Variants in LRP1B observed in about 807,000 individuals in gnomAD.
LRP1B encodes low-density lipoprotein receptor-related protein 1B.
LRP1B carries 217 observed loss-of-function variants against 556.6 expected under a neutral mutation model. The ratio of observed to expected loss-of-function variants is 0.39; its 90% CI spans 0.35 to 0.44. The LOEUF (loss-of-function observed/expected upper bound fraction) is 0.44. Among genes scored for constraint, LRP1B ranks in the 20% least tolerant of loss-of-function variants. The pLI is 1.00. For missense variants in LRP1B, 5,053 were observed against 5,620.8 expected (o/e 0.90, Z 3.23); for synonymous variants, 2,047 against 1,865.8 (o/e 1.10, Z -2.50).
At chr2:140,994,389 ATGTG>A (rs3061707) in intron 15 of LRP1B, among the ~76,000 whole-genome samples, 27 of 147,176 alleles carry the variant, frequency 1.8e-4, no homozygotes, top group African/African-American at 4.5e-4. Flanking sequence ...GTAGGTAAGG[ATGTG>A]TGTGTGTGTG....
chr2:141,766,362 C>A (rs1029466726), intron 2 of LRP1B, among the ~76,000 whole-genome samples: 1 of 152,160 alleles, frequency 6.6e-6, no homozygotes, highest in Non-Finnish European at 1.5e-5. Flanking sequence ...GGTCACACAA[C>A]AAGCTGCTCT....
At chr2:140,542,520 A>T (rs985432346) in intron 43 of LRP1B, among the ~76,000 whole-genome samples, 4 of 152,122 alleles carry the variant, frequency 2.6e-5, no homozygotes, top group African/African-American at 9.7e-5. Flanking sequence ...GACTAGATTG[A>T]TCTTTTCATC....
intron 7 of LRP1B, among the ~76,000 whole-genome samples, chr2:141,094,730 G>C (rs1363874221): frequency 6.6e-6 from 1 of 152,014 alleles, no homozygotes; most frequent in Admixed American, 6.6e-5. Flanking sequence ...ATTACAATAG[G>C]GTCAGCCTCT....
chr2:140,442,767 T>A lies in LRP1B; in HGVS notation c.10295-144A>T, dbSNP rs563224647. ...ATAGGACTCTGAAGGTGAGGAATTT[T>A]AACTTTTAATTCCTTTTGAGATACT... On this transcript the variant is annotated intron_variant, in intron 65 of 90. Coordinates refer to ENST00000389484, the MANE Select transcript of LRP1B (RefSeq NM_018557.3). 4 of 716,026 alleles carry A rather than the reference T, an allele frequency of 5.6e-6. No homozygotes were observed. The South Asian group carries it at 7.8e-5, about 14-fold the overall frequency. 44.4% of individuals were successfully genotyped at this position (716,026 alleles called of 1,614,324 possible).
intron 83 of LRP1B, among the ~76,000 whole-genome samples, chr2:140,301,887 ATGTGTG>A (rs964927857): frequency 3.4e-4 from 51 of 151,878 alleles, no homozygotes; most frequent in African/African-American, 1.2e-3. Context: ...ATGTATGTGT[ATGTGTG>A]TGTATATATA....
intron 6 of LRP1B, among the ~76,000 whole-genome samples, chr2:141,209,120 A>G (rs746593058): frequency 2.0e-5 from 3 of 152,122 alleles, no homozygotes; most frequent in Non-Finnish European, 4.4e-5. Context: ...TCAGTACTCA[A>G]ATAAAATAAG....
At chr2:140,301,598 TA>T (rs1683825245) in intron 83 of LRP1B, among the ~76,000 whole-genome samples, 1 of 152,002 alleles carries the variant, frequency 6.6e-6, no homozygotes, top group Non-Finnish European at 1.5e-5. Context: ...TTTTTTAATA[TA>T]AAAAATTATG....
Position 140,635,952 on chromosome 2 carries a change from C to T in LRP1B, c.6800-34313G>A, listed in dbSNP as rs576673255. Among the ~76,000 whole-genome samples, 16 of 152,048 alleles carry T rather than the reference C, an allele frequency of 1.1e-4. 1 individual carries two copies. Among genetic ancestry groups the T allele is most frequent in the Admixed American group, 8.5e-4 (13 of 15,258 alleles). On this transcript the variant is annotated intron_variant, in intron 41 of 90. Coordinates refer to ENST00000389484, the MANE Select transcript of LRP1B (RefSeq NM_018557.3). Reference sequence around the variant, plus strand: ...ATTTTAAGTTATTCTTAGTAATCTACGCTATCTTTCCAGCCTAGCCATTTC... The same window carrying T: ...ATTTTAAGTTATTCTTAGTAATCTATGCTATCTTTCCAGCCTAGCCATTTC...
chr2:140,323,255 T>C (rs1409337203), intron 81 of LRP1B, among the ~76,000 whole-genome samples: 2 of 152,058 alleles, frequency 1.3e-5, no homozygotes, highest in South Asian at 2.1e-4. Context: ...GTTAGAAATA[T>C]ATTTTCAAGA....
At chr2:140,542,944 C>T (rs1337303776) in intron 43 of LRP1B, among the ~76,000 whole-genome samples, 10 of 152,100 alleles carry the variant, frequency 6.6e-5, no homozygotes, top group East Asian at 1.9e-4. Context: ...CAAGTTCACA[C>T]GGGTCCAGAA....
At chr2:140,258,778 G>T (rs1003700210) in intron 86 of LRP1B, among the ~76,000 whole-genome samples, 3 of 152,116 alleles carry the variant, frequency 2.0e-5, no homozygotes, top group Admixed American at 6.6e-5. Context: ...ACAAAACAAT[G>T]TGGAGTCCTG....
At chr2:140,961,907 A>G (rs889004027) in intron 18 of LRP1B, among the ~76,000 whole-genome samples, 2 of 152,184 alleles carry the variant, frequency 1.3e-5, no homozygotes, top group African/African-American at 4.8e-5. Context: ...AATAACCAGG[A>G]AACTTGGCTA....
At chr2:141,256,293 A>G (rs1573719133) in intron 3 of LRP1B, among the ~76,000 whole-genome samples, 1 of 151,998 alleles carries the variant, frequency 6.6e-6, no homozygotes, top group African/African-American at 2.4e-5. Context: ...GAAAGTAAAT[A>G]GAAAGACCTG....
At chr2:140,839,919 G>A (rs1490936749) in intron 31 of LRP1B, 72 bp downstream of exon 31, 14 of 887,428 alleles carry the variant, frequency 1.6e-5, no homozygotes, top group Non-Finnish European at 2.1e-5. Context: ...TCAGGATCTA[G>A]ATCAAAGGTA....
At chr2:141,261,680 G>A (rs1025837514) in intron 3 of LRP1B, among the ~76,000 whole-genome samples, 8 of 151,998 alleles carry the variant, frequency 5.3e-5, no homozygotes, top group Non-Finnish European at 1.0e-4. Context: ...ATTATTGTTA[G>A]TATTAGGTAG....
chr2:141,545,521 T>G (rs1685519763), intron 2 of LRP1B, among the ~76,000 whole-genome samples: 1 of 152,226 alleles, frequency 6.6e-6, no homozygotes, highest in African/African-American at 2.4e-5. Context: ...ATTATCCACG[T>G]GGGCCCAGTT....
chr2:140,859,658 A>G (rs570445259), intron 27 of LRP1B, among the ~76,000 whole-genome samples: 9 of 152,280 alleles, frequency 5.9e-5, no homozygotes, highest in Admixed American at 2.0e-4. Flanking sequence ...TTTTATAAGC[A>G]TTATTTTATT....
intron 3 of LRP1B, among the ~76,000 whole-genome samples, chr2:141,413,868 G>GGAGAGA (rs139239783): frequency 4.0e-5 from 6 of 148,218 alleles, no homozygotes; most frequent in South Asian, 2.2e-4. Context: ...GACACAGTGA[G>GGAGAGA]GAGAGAGAGA....
intron 53 of LRP1B, among the ~76,000 whole-genome samples, chr2:140,505,966 T>A (rs1267181520): frequency 6.6e-6 from 1 of 152,076 alleles, no homozygotes; most frequent in Non-Finnish European, 1.5e-5. Context: ...TTGTAGGTTG[T>A]ATAGATATTA....
Sources: gnomAD v4.1 joint callset for allele counts (sites outside exome capture counted in the v4.1 genomes callset) on GRCh38, gnomAD v4.1.1 for gene constraint, MANE v1.5 for transcripts, NCBI Gene and HGNC (gene_info 2026-07-23, HGNC 2026-07-21) for gene names.